Variants in RANBP2 observed in about 807,000 individuals in gnomAD.
RANBP2 encodes the protein RAN binding protein 2, also known as E3 SUMO-protein ligase RanBP2.
A neutral mutation model predicts 303.6 loss-of-function variants in RANBP2; 57 were observed. The observed-to-expected ratio is 0.19, with a 90% CI of 0.15 to 0.23. RANBP2 has a LOEUF of 0.23. RANBP2 is among the 10% of genes least tolerant of loss of function. RANBP2 has a pLI of 1.00. For missense variants in RANBP2, 3,138 were observed against 3,780.8 expected, an observed-to-expected ratio of 0.83 and a Z score of 4.46; for synonymous variants, 1,167 against 1,301.5, an observed-to-expected ratio of 0.90 and a Z score of 2.23.
the RANBP2 span, among the ~76,000 whole-genome samples, chr2:109,084,788 G>A: frequency 1.3e-5 from 2 of 152,138 alleles, no homozygotes; most frequent in East Asian, 1.9e-4. Flanking sequence ...TGAACACTGT[G>A]GACGCCACTC....
At chr2:109,492,783 C>T in the RANBP2 span, among the ~76,000 whole-genome samples, 1 of 152,088 alleles carries the variant, frequency 6.6e-6, no homozygotes, top group Non-Finnish European at 1.5e-5. Flanking sequence ...GCAGCACCCC[C>T]AGTCCTGTGT....
chr2:109,053,006 G>A, the RANBP2 span, among the ~76,000 whole-genome samples: 6 of 152,320 alleles, frequency 3.9e-5, no homozygotes, highest in Admixed American at 3.9e-4. Flanking sequence ...CCCCTGTTGA[G>A]TCTCCTCACC....
chr2:109,518,550 C>G, the RANBP2 span, among the ~76,000 whole-genome samples: 1 of 152,212 alleles, frequency 6.6e-6, no homozygotes, highest in African/African-American at 2.4e-5. Context: ...CTCTAAGAAC[C>G]ATTGCCTTGT....
the RANBP2 span, among the ~76,000 whole-genome samples, chr2:109,723,006 A>G: frequency 6.6e-6 from 1 of 152,178 alleles, no homozygotes; most frequent in African/African-American, 2.4e-5. Flanking sequence ...GCTGGTTCAT[A>G]CGGTATTTCT....
chr2:109,681,684 C>T, the RANBP2 span, among the ~76,000 whole-genome samples: 1 of 152,202 alleles, frequency 6.6e-6, no homozygotes, highest in Non-Finnish European at 1.5e-5. Flanking sequence ...TCTCAGGAGA[C>T]AGCAGTGAGG....
the RANBP2 span, among the ~76,000 whole-genome samples, chr2:109,413,068 G>A: frequency 1.1e-3 from 163 of 152,266 alleles, 3 homozygotes; most frequent in Admixed American, 0.01. Flanking sequence ...GTGCTGCTGC[G>A]AAATCCTTAC....
chr2:109,576,307 C>T, the RANBP2 span, among the ~76,000 whole-genome samples: 68 of 151,824 alleles, frequency 4.5e-4, no homozygotes, highest in Non-Finnish European at 7.9e-4. Flanking sequence ...TTGTGTTGCC[C>T]GGGCTGGTCT....
chr2:108,846,736 A>C, the RANBP2 span: 1 of 1,597,372 alleles, frequency 6.3e-7, no homozygotes, highest in South Asian at 1.1e-5. Flanking sequence ...TATTTTTAAC[A>C]GCACTCGACT....
chr2:109,362,790 T>G, the RANBP2 span, among the ~76,000 whole-genome samples: 1 of 152,216 alleles, frequency 6.6e-6, no homozygotes, highest in Non-Finnish European at 1.5e-5. Context: ...TATGTCTTCT[T>G]GGGGAATTGA....
chr2:108,912,948 CT>C, the RANBP2 span, among the ~76,000 whole-genome samples: 1,687 of 139,044 alleles, frequency 0.012, 14 homozygotes, highest in Non-Finnish European at 0.013. Flanking sequence ...CGTTATTGTT[CT>C]TTTTTTTTTT....
At chr2:108,730,998 A>G (rs1387498343) in intron 3 of RANBP2, 113 bp downstream of exon 3, 35 of 1,286,170 alleles carry the variant, frequency 2.7e-5, no homozygotes, top group Non-Finnish European at 3.7e-5. Context: ...AGGCATTGGT[A>G]TCATAGTACA....
the RANBP2 span, among the ~76,000 whole-genome samples, chr2:109,282,646 G>A: frequency 1.3e-5 from 2 of 152,198 alleles, no homozygotes; most frequent in African/African-American, 4.8e-5. Context: ...GAGACGTCCG[G>A]GCACCCTTGT....
chr2:109,134,827 G>C, the RANBP2 span, among the ~76,000 whole-genome samples: 2 of 152,190 alleles, frequency 1.3e-5, no homozygotes, highest in Non-Finnish European at 2.9e-5. Flanking sequence ...ATGCAAGGCT[G>C]CTGTCTTGTA....
chr2:109,430,487 C>T, the RANBP2 span, among the ~76,000 whole-genome samples: 526 of 152,044 alleles, frequency 3.5e-3, 19 homozygotes, highest in East Asian at 0.061. Context: ...CTGTCCTCTC[C>T]CCGTCCTCTC....
At chr2:109,646,152 T>C in the RANBP2 span, among the ~76,000 whole-genome samples, 5 of 152,244 alleles carry the variant, frequency 3.3e-5, no homozygotes, top group East Asian at 1.9e-4. Context: ...GTTGATTTTA[T>C]TTCTGGTCTT....
the RANBP2 span, chr2:108,856,906 AATATC>A: frequency 6.2e-7 from 1 of 1,613,346 alleles, no homozygotes; most frequent in Admixed American, 1.7e-5. Context: ...GTCATCTAAG[AATATC>A]CAGTAAAGGA....
chr2:109,099,303 G>A, the RANBP2 span, among the ~76,000 whole-genome samples: 1 of 152,158 alleles, frequency 6.6e-6, no homozygotes, highest in Non-Finnish European at 1.5e-5. Context: ...GGCTCTATAT[G>A]TCAACAGGTA....
chr2:109,086,094 A>G, the RANBP2 span, among the ~76,000 whole-genome samples: 1 of 152,184 alleles, frequency 6.6e-6, no homozygotes, highest in African/African-American at 2.4e-5. Context: ...ATGTTGTAGC[A>G]TGTGTCAGAG....
chr2:109,246,806 C>T, the RANBP2 span, among the ~76,000 whole-genome samples: 284 of 152,320 alleles, frequency 1.9e-3, no homozygotes, highest in African/African-American at 6.4e-3. Flanking sequence ...GAACTGCAGT[C>T]GGATGCCCTA....
Sources: allele counts gnomAD v4.1 joint callset (sites outside exome capture counted in the v4.1 genomes callset), GRCh38; gene constraint gnomAD v4.1.1; transcripts MANE v1.5; gene names NCBI Gene and HGNC (gene_info 2026-07-23, HGNC 2026-07-21).